Variants in HRH2 observed in about 807,000 individuals in gnomAD.
HRH2 encodes histamine receptor H2.
Under a neutral mutation model 20.1 loss-of-function variants are expected in HRH2, and 4 were observed. That is an observed-to-expected ratio of 0.20 (90% confidence interval 0.10 to 0.45). The LOEUF (loss-of-function observed/expected upper bound fraction) is 0.45. Ranked by LOEUF, HRH2 falls within the 20% of genes least tolerant of loss-of-function variation. The probability of loss-of-function intolerance (pLI) is 0.99; values close to 1 mark genes in which losing one functional copy is unlikely to be tolerated. For synonymous variants in HRH2, 197 were observed against 200.7 expected (o/e 0.98, Z 0.16); for missense variants, 250 against 461.6 (o/e 0.54, Z 4.20).
intron 2 of HRH2, among the ~76,000 whole-genome samples, chr5:175,703,485 A>C (rs1756853889): frequency 6.6e-6 from 1 of 152,228 alleles, no homozygotes; most frequent in Admixed American, 6.5e-5. Flanking sequence ...TTTGAAATTT[A>C]ACGATTTAAA....
chr5:175,690,417 G>GA (rs1236289190), intron 2 of HRH2, among the ~76,000 whole-genome samples: 1 of 152,202 alleles, frequency 6.6e-6, no homozygotes, highest in African/African-American at 2.4e-5. Flanking sequence ...GGCTTCCACG[G>GA]AAAATCAGAA....
intron 2 of HRH2, among the ~76,000 whole-genome samples, chr5:175,692,503 T>TA (rs1205776733): frequency 2.6e-5 from 4 of 152,210 alleles, no homozygotes; most frequent in Non-Finnish European, 5.9e-5. Flanking sequence ...AAAATGGGGA[T>TA]AAAAATGCCT....
chr5:175,677,506 C>T lies in HRH2; in HGVS notation c.-525-5203C>T, dbSNP rs1365686890. Among the ~76,000 whole-genome samples the T allele has an allele frequency of 1.3e-5, 2 of 152,176 alleles. No individual in the cohort carries two copies. The highest frequency in any genetic ancestry group is 2.9e-5 in the Non-Finnish European group (2 of 68,024). On this transcript the variant is annotated intron_variant, in intron 1 of 2. Transcript: ENST00000636584. The surrounding 1 kb of genome is among the most constrained non-coding windows in gnomAD (Gnocchi z 4.2). ...GCTCTGACTGTCTGGGCTGAAGCCA[C>T]GTTGGTCCGCAGCTCGTATCGGGGC...
intron 2 of HRH2, among the ~76,000 whole-genome samples, chr5:175,696,966 G>A (rs1015885190): frequency 7.9e-5 from 12 of 152,194 alleles, no homozygotes; most frequent in Non-Finnish European, 1.5e-5. Flanking sequence ...TGCACCTAGC[G>A]GAGGTGGCAG....
chr5:175,676,062 C>G (rs1210004640), intron 1 of HRH2, among the ~76,000 whole-genome samples: 1 of 152,110 alleles, frequency 6.6e-6, no homozygotes, highest in Non-Finnish European at 1.5e-5. Context: ...TTTTGGAGGC[C>G]CCCCCATCAG....
At chr5:175,706,169 A>T (rs1285565792) in intron 2 of HRH2, among the ~76,000 whole-genome samples, 1 of 152,224 alleles carries the variant, frequency 6.6e-6, no homozygotes, top group Non-Finnish European at 1.5e-5. Flanking sequence ...TGCTGAAAGA[A>T]ATCAGGGGCT....
intron 1 of HRH2, among the ~76,000 whole-genome samples, chr5:175,671,071 T>C (rs1755519997): frequency 6.6e-6 from 1 of 152,176 alleles, no homozygotes; most frequent in Non-Finnish European, 1.5e-5. Context: ...TAACCAGACG[T>C]CTAATGTCTG....
chr5:175,698,437 G>A (rs371880637), intron 2 of HRH2, among the ~76,000 whole-genome samples: 12 of 152,136 alleles, frequency 7.9e-5, no homozygotes, highest in Non-Finnish European at 1.0e-4. Context: ...GGAGCCTCAC[G>A]TTCATGGTCT....
intron 2 of HRH2, among the ~76,000 whole-genome samples, chr5:175,692,045 C>T (rs1375010790): frequency 1.3e-5 from 2 of 152,098 alleles, no homozygotes; most frequent in South Asian, 2.1e-4. Flanking sequence ...CCTACACAAC[C>T]GTATGGGGGC....
rs1170700223 is a variant in HRH2 at position 175,681,301 on chromosome 5, A to G, written c.-525-1408A>G. Among the ~76,000 whole-genome samples, 1 of 152,228 alleles carries G rather than the reference A, an allele frequency of 6.6e-6. No homozygotes were observed. Among genetic ancestry groups the G allele is most frequent in the Non-Finnish European group, 1.5e-5 (1 of 68,038 alleles). On this transcript the variant is annotated intron_variant, in intron 1 of 2. Transcript: ENST00000636584. This position sits in a 1 kb window ranked among gnomAD's most constrained non-coding sequence, Gnocchi z 4.3. ...GGTGATCGGGAACCCTGATCCCTGCACGAACACAATCGTTGTGATTAAATG... is the reference window on the plus strand; with the variant it reads ...GGTGATCGGGAACCCTGATCCCTGCGCGAACACAATCGTTGTGATTAAATG...
At position 175,683,915 on chromosome 5, in the gene HRH2, A is replaced by C; in HGVS notation, c.682A>C (p.Arg228=). 6.2e-7 allele frequency: 1 copy of C among 1,614,188 alleles called. No homozygotes were observed. Among genetic ancestry groups the C allele is most frequent in the Non-Finnish European group, 8.5e-7 (1 of 1,180,036 alleles). ...HISSWKAATI[R]EHKATVTLAA... ...TAGCTCCTGGAAGGCAGCCACCATC[A>C]GGGAGCACAAAGCCACAGTGACACT... Residue 228 remains arginine, a synonymous_variant, in exon 2 of 3, where the codon AGG becomes CGG. Transcript: ENST00000636584.
chr5:175,686,859 G>A lies in HRH2; in HGVS notation c.1076+2550G>A, dbSNP rs577477909. On this transcript the variant is annotated intron_variant, in intron 2 of 2. Transcript: ENST00000636584. This position sits in a 1 kb window ranked among gnomAD's most constrained non-coding sequence, Gnocchi z 4.7. ...CCCAAGGGATACAACCCAAAGTTGC[G>A]ATCTGAGCAACAACAGAAATAGCAG... Among the ~76,000 whole-genome samples the A allele has an allele frequency of 2.6e-5, 4 of 152,334 alleles. No homozygotes were observed. The highest frequency in any genetic ancestry group is 3.9e-4 in the East Asian group (2 of 5,182).
At chr5:175,700,929 C>G (rs1469967848) in intron 2 of HRH2, among the ~76,000 whole-genome samples, 1 of 152,008 alleles carries the variant, frequency 6.6e-6, no homozygotes, top group Non-Finnish European at 1.5e-5. Context: ...AATTGACCAG[C>G]AAAGAAGAAA....
intron 1 of HRH2, among the ~76,000 whole-genome samples, chr5:175,675,328 A>G (rs1171040089): frequency 2.6e-5 from 4 of 152,154 alleles, no homozygotes. Context: ...ACGGCTGATG[A>G]TTGAACCTTC....
chr5:175,684,516 A>G, intron 2 of HRH2: 1 of 314,360 alleles, frequency 3.2e-6, no homozygotes, highest in Non-Finnish European at 4.6e-6. Context: ...GCACATTAAA[A>G]TTCTCAGAGG....
At chr5:175,680,221 G>A (rs1755914812) in intron 1 of HRH2, among the ~76,000 whole-genome samples, 2 of 152,218 alleles carry the variant, frequency 1.3e-5, no homozygotes, top group Non-Finnish European at 2.9e-5. Context: ...ATTGCCACGG[G>A]CTGGGCTCCC....
intron 1 of HRH2, among the ~76,000 whole-genome samples, chr5:175,665,405 TA>T (rs1561718977): frequency 6.6e-6 from 1 of 151,820 alleles, no homozygotes; most frequent in Non-Finnish European, 1.5e-5. Context: ...TAAAGAGAGT[TA>T]AAGAAACAGT....
intron 1 of HRH2, among the ~76,000 whole-genome samples, chr5:175,660,752 C>T (rs1581399590): frequency 1.3e-5 from 2 of 152,280 alleles, no homozygotes; most frequent in African/African-American, 4.8e-5. Context: ...CTCAGGCCTA[C>T]AATATAGACT....
At chr5:175,694,837 T>C (rs1404062432) in intron 2 of HRH2, among the ~76,000 whole-genome samples, 1 of 152,068 alleles carries the variant, frequency 6.6e-6, no homozygotes, top group Non-Finnish European at 1.5e-5. Context: ...CAGGAGAGTG[T>C]TGGGGGTAGG....
Sources: allele counts gnomAD v4.1 joint callset (sites outside exome capture counted in the v4.1 genomes callset), GRCh38; gene constraint gnomAD v4.1.1; non-coding constraint Gnocchi (gnomAD v3.1); transcripts MANE v1.5; gene names NCBI Gene and HGNC (gene_info 2026-07-23, HGNC 2026-07-21).